The following NXPE2 variants were observed in gnomAD, a reference collection of about 807,000 sequenced individuals.
NXPE2 encodes neurexophilin and PC-esterase domain family member 2.
NXPE2 carries 34 observed loss-of-function variants against 34.4 expected under a neutral mutation model. That is an observed-to-expected ratio of 0.99 (90% CI 0.75 to 1.31). NXPE2 has a LOEUF of 1.31. NXPE2 is among the 40% of genes most tolerant of loss of function. NXPE2 has a pLI of 0.00. For synonymous variants in NXPE2, 235 were observed against 231.3 expected, an observed-to-expected ratio of 1.02 and a Z score of -0.15; for missense variants, 649 against 672.5, an observed-to-expected ratio of 0.97 and a Z score of 0.39.
chr11:114,755,630 A>G, the NXPE2 span, among the ~76,000 whole-genome samples: 3 of 151,866 alleles, frequency 2.0e-5, no homozygotes, highest in Non-Finnish European at 4.4e-5. Flanking sequence ...CCATCTTTCT[A>G]CCTATCAACC....
chr11:114,569,156 T>A, the NXPE2 span, among the ~76,000 whole-genome samples: 1 of 152,304 alleles, frequency 6.6e-6, no homozygotes, highest in Non-Finnish European at 1.5e-5. Flanking sequence ...CCATTCTTAC[T>A]ATTGGGTCAG....
chr11:114,498,260 T>A, the NXPE2 span, among the ~76,000 whole-genome samples: 1 of 152,068 alleles, frequency 6.6e-6, no homozygotes, highest in Non-Finnish European at 1.5e-5. Flanking sequence ...TTTATCCCCA[T>A]TTAACAATAA....
At chr11:114,737,628 G>T in the NXPE2 span, among the ~76,000 whole-genome samples, 357 of 152,226 alleles carry the variant, frequency 2.3e-3, 3 homozygotes, top group African/African-American at 8.3e-3. Context: ...ACAGAGACTT[G>T]GTTTGAATCA....
the NXPE2 span, among the ~76,000 whole-genome samples, chr11:114,612,030 C>A: frequency 6.6e-6 from 1 of 151,900 alleles, no homozygotes; most frequent in Non-Finnish European, 1.5e-5. Flanking sequence ...ACCACTGTTA[C>A]CTGGTGGATA....
At chr11:114,476,325 G>A in the NXPE2 span, among the ~76,000 whole-genome samples, 1 of 152,094 alleles carries the variant, frequency 6.6e-6, no homozygotes, top group Non-Finnish European at 1.5e-5. Context: ...ACATAAACAT[G>A]TACAAATTAG....
chr11:114,630,518 C>A, the NXPE2 span, among the ~76,000 whole-genome samples: 4 of 151,402 alleles, frequency 2.6e-5, no homozygotes, highest in East Asian at 7.8e-4. Context: ...ATACAAAAAT[C>A]AATTCAAGAT....
chr11:114,612,246 G>A, the NXPE2 span, among the ~76,000 whole-genome samples: 1 of 151,842 alleles, frequency 6.6e-6, no homozygotes, highest in Non-Finnish European at 1.5e-5. Context: ...GTTACACGGT[G>A]GAGAATAAGT....
chr11:114,808,109 A>T, the NXPE2 span, among the ~76,000 whole-genome samples: 1 of 152,332 alleles, frequency 6.6e-6, no homozygotes. Context: ...TAAATAATGA[A>T]ATGAAGGCAG....
the NXPE2 span, among the ~76,000 whole-genome samples, chr11:114,663,586 CATCTATCT>C: frequency 1.1e-3 from 150 of 132,992 alleles, no homozygotes; most frequent in African/African-American, 2.6e-3. Flanking sequence ...CTCTATCTAT[CATCTATCT>C]ATCTATCTAT....
At chr11:114,773,430 C>A in the NXPE2 span, among the ~76,000 whole-genome samples, 1 of 152,086 alleles carries the variant, frequency 6.6e-6, no homozygotes, top group Non-Finnish European at 1.5e-5. Context: ...CATTCAAGAT[C>A]CTTCTAAAGA....
chr11:114,765,787 G>C, the NXPE2 span, among the ~76,000 whole-genome samples: 1 of 152,074 alleles, frequency 6.6e-6, no homozygotes, highest in Non-Finnish European at 1.5e-5. Flanking sequence ...TTTCTCTCCT[G>C]CCTTCTTACT....
At chr11:114,745,409 G>T in the NXPE2 span, among the ~76,000 whole-genome samples, 709 of 152,276 alleles carry the variant, frequency 4.7e-3, 3 homozygotes, top group African/African-American at 0.015. Context: ...GTTCTTACAG[G>T]AACTGAGAGT....
the NXPE2 span, among the ~76,000 whole-genome samples, chr11:114,494,177 G>A: frequency 2.0e-5 from 3 of 152,036 alleles, no homozygotes; most frequent in African/African-American, 4.8e-5. Context: ...CGTTGAGGTC[G>A]TCTTCTTTGG....
At chr11:114,699,669 T>G (rs1951328422) in intron 3 of NXPE2, among the ~76,000 whole-genome samples, 1 of 151,592 alleles carries the variant, frequency 6.6e-6, no homozygotes, top group Admixed American at 6.6e-5. Flanking sequence ...ATATTTTTCC[T>G]TAGCATTTTG....
chr11:114,693,736 G>A (rs1951196729), intron 2 of NXPE2, among the ~76,000 whole-genome samples: 1 of 152,086 alleles, frequency 6.6e-6, no homozygotes, highest in African/African-American at 2.4e-5. Context: ...AGAGAATGAA[G>A]AACCAGGAAA....
At chr11:114,667,392 G>A in the NXPE2 span, among the ~76,000 whole-genome samples, 1 of 152,186 alleles carries the variant, frequency 6.6e-6, no homozygotes, top group Non-Finnish European at 1.5e-5. Flanking sequence ...ACTTCTAAAT[G>A]TTAATTCAGT....
At chr11:114,637,831 C>A in the NXPE2 span, among the ~76,000 whole-genome samples, 1 of 152,040 alleles carries the variant, frequency 6.6e-6, no homozygotes, top group Admixed American at 6.6e-5. Context: ...GCCAAGAGAT[C>A]TGCTGTTAGT....
At chr11:114,534,138 G>A in the NXPE2 span, among the ~76,000 whole-genome samples, 1 of 152,200 alleles carries the variant, frequency 6.6e-6, no homozygotes, top group Non-Finnish European at 1.5e-5. Context: ...AATATCCGCT[G>A]TTCTGCAGCC....
chr11:114,628,543 C>T, the NXPE2 span, among the ~76,000 whole-genome samples: 2 of 151,264 alleles, frequency 1.3e-5, no homozygotes, highest in South Asian at 4.2e-4. Flanking sequence ...AAATTTATAG[C>T]ACTAAATGCC....
Sources: gnomAD v4.1 joint callset for allele counts (sites outside exome capture counted in the v4.1 genomes callset) on GRCh38, gnomAD v4.1.1 for gene constraint, MANE v1.5 for transcripts, NCBI Gene and HGNC (gene_info 2026-07-23, HGNC 2026-07-21) for gene names.